Variants in WASHC2A observed in about 807,000 individuals in gnomAD.
The protein encoded by WASHC2A is WASH complex subunit FAM21A.
WASHC2A carries 82 observed loss-of-function variants against 140.3 expected under a neutral mutation model. The ratio of observed to expected loss-of-function variants is 0.58; its 90% confidence interval spans 0.49 to 0.70. The LOEUF (loss-of-function observed/expected upper bound fraction) is 0.70. Ranked by LOEUF, WASHC2A falls within the 30% of genes least tolerant of loss-of-function variation. The probability of loss-of-function intolerance (pLI) is 0.00; values close to 1 mark genes in which losing one functional copy is unlikely to be tolerated. For synonymous variants in WASHC2A, 340 were observed against 560.8 expected (o/e 0.61, Z 5.56); for missense variants, 985 against 1,521.8 (o/e 0.65, Z 5.87).
At chr10:50,072,672 T>C (rs1837970877) in intron 3 of WASHC2A, among the ~76,000 whole-genome samples, 1 of 151,788 alleles carries the variant, frequency 6.6e-6, no homozygotes, top group African/African-American at 2.4e-5. Flanking sequence ...GCATTTTTAG[T>C]AGAGATGGGG....
intron 23 of WASHC2A, among the ~76,000 whole-genome samples, chr10:50,120,886 GA>G (rs1842963521): frequency 7.0e-6 from 1 of 143,020 alleles, no homozygotes; most frequent in Admixed American, 6.9e-5. Context: ...ATAAAATACA[GA>G]ATTAAAAGGC....
At chr10:50,092,882 C>G (rs1482625508) in intron 11 of WASHC2A, among the ~76,000 whole-genome samples, 2 of 152,008 alleles carry the variant, frequency 1.3e-5, no homozygotes, top group South Asian at 2.1e-4. Context: ...TTACATTAGA[C>G]TTGTCCCTGT....
chr10:50,127,485 T>C lies in WASHC2A; in HGVS notation c.2875-98T>C, dbSNP rs1373753913. 1.9e-6 allele frequency: 3 copies of C among 1,611,702 alleles called. No individual in the cohort carries two copies. The African/African-American group carries it at 4.0e-5, about 22-fold the overall frequency. ...CCTACGTTTCTCTACTCCTCTCGTA[T>C]TATACATTATGTGCACCGAATCTTG... is the stretch of plus-strand genomic sequence containing the variant. On this transcript the variant is annotated intron_variant, in intron 27 of 30. Coordinates refer to ENST00000282633, the MANE Select transcript of WASHC2A (RefSeq NM_001005751.3).
At chr10:50,077,362 T>C (rs1838458084) in intron 3 of WASHC2A, among the ~76,000 whole-genome samples, 3 of 152,146 alleles carry the variant, frequency 2.0e-5, no homozygotes, top group Non-Finnish European at 4.4e-5. Context: ...AGCTTATATT[T>C]ATGTTCAGAG....
intron 5 of WASHC2A, 75 bp from the exon 6 acceptor site, chr10:50,083,997 C>T: frequency 5.0e-6 from 7 of 1,386,560 alleles, no homozygotes; most frequent in South Asian, 2.4e-5. Context: ...TCAGATGGAA[C>T]AGGGTATCAG....
chr10:50,127,562 A>C (rs1843545932), intron 27 of WASHC2A, 21 bp from the exon 28 acceptor site: 1 of 1,575,802 alleles, frequency 6.3e-7, no homozygotes, highest in African/African-American at 1.4e-5. Flanking sequence ...ACAAATACAG[A>C]GTTTCATTTT....
chr10:50,074,740 C>T (rs1554877216), intron 3 of WASHC2A, among the ~76,000 whole-genome samples: 2 of 152,048 alleles, frequency 1.3e-5, no homozygotes, highest in Non-Finnish European at 2.9e-5. Flanking sequence ...CGGTGAAGCT[C>T]CGTCTTTACT....
At chr10:50,105,984 T>C (rs1478334011) in intron 18 of WASHC2A, among the ~76,000 whole-genome samples, 2 of 152,212 alleles carry the variant, frequency 1.3e-5, no homozygotes, top group Non-Finnish European at 2.9e-5. Context: ...GGGGCTCCCG[T>C]GCCCATTGCA....
intron 20 of WASHC2A, among the ~76,000 whole-genome samples, chr10:50,112,838 G>A (rs1162536434): frequency 6.7e-6 from 1 of 150,134 alleles, no homozygotes; most frequent in East Asian, 2.0e-4. Context: ...TATATGAAAT[G>A]TATAGATAAA....
intron 13 of WASHC2A, 116 bp downstream of exon 13, chr10:50,094,033 G>A (rs61856724): frequency 0.24 from 360,250 of 1,506,146 alleles, 37,305 homozygotes; most frequent in East Asian, 0.61. Context: ...GCAGGAAGCT[G>A]TTGTTTTTAC....
chr10:50,127,121 T>A, intron 26 of WASHC2A, 39 bp from the exon 27 acceptor site: 2 of 1,611,978 alleles, frequency 1.2e-6, no homozygotes, highest in Non-Finnish European at 1.7e-6. Context: ...GTCTTTCTGT[T>A]TCCCAAATGG....
At chr10:50,075,052 GTA>G (rs1455848505) in intron 3 of WASHC2A, among the ~76,000 whole-genome samples, 120 of 147,450 alleles carry the variant, frequency 8.1e-4, no homozygotes, top group African/African-American at 2.5e-3. Context: ...CTAGATGACG[GTA>G]TGTGTGTGTG....
At chr10:50,077,278 A>T (rs1838447800) in intron 3 of WASHC2A, among the ~76,000 whole-genome samples, 2 of 152,058 alleles carry the variant, frequency 1.3e-5, no homozygotes, top group African/African-American at 4.8e-5. Context: ...TGGGTGACAG[A>T]GCTAGACTCT....
chr10:50,129,767 G>A lies in WASHC2A; in HGVS notation c.3436G>A (p.Glu1146Lys). 1 of 1,612,032 alleles carries A rather than the reference G, an allele frequency of 6.2e-7. No individual in the cohort carries two copies. Among genetic ancestry groups the A allele is most frequent in the South Asian group, 1.1e-5 (1 of 90,986 alleles). The change falls in exon 29 of 31, where the codon GAG (glutamate) becomes AAG (lysine). Residue 1146 changes from glutamate (E) to lysine (K), a missense_variant. By Grantham distance (56) the Glu-to-Lys change is moderately conservative. Transcript: ENST00000282633. ...FSTGTGSQSVERTKPKAKIAE... is the reference protein window; with the variant it reads ...FSTGTGSQSVKRTKPKAKIAE... ...CACGGGCACTGGATCTCAGTCTGTG[G>A]AGAGAACAAAACCCAAGGCAAAGAT...
chr10:50,125,103 C>T lies in WASHC2A; in HGVS notation c.2479-10C>T. ...CTCTAATCACACATGACCTTCCCTCCTGTTCCCAGGGCCGCGATCCTGATG... is the reference window on the plus strand; with the variant it reads ...CTCTAATCACACATGACCTTCCCTCTTGTTCCCAGGGCCGCGATCCTGATG... On this transcript the variant is annotated splice_polypyrimidine_tract_variant and intron_variant, in intron 23 of 30. Coordinates refer to ENST00000282633, the MANE Select transcript of WASHC2A (RefSeq NM_001005751.3). The T allele has an allele frequency of 1.2e-6, 2 of 1,611,848 alleles. No homozygotes were observed. The highest frequency in any genetic ancestry group is 1.1e-5 in the South Asian group (1 of 90,964).
intron 5 of WASHC2A, among the ~76,000 whole-genome samples, chr10:50,082,162 G>T (rs1838958285): frequency 1.3e-5 from 2 of 150,664 alleles, no homozygotes; most frequent in Non-Finnish European, 3.0e-5. Context: ...TTTTCCCCTT[G>T]CAGAGAAAGT....
chr10:50,112,186 A>T (rs1385503096), intron 20 of WASHC2A: 1 of 977,808 alleles, frequency 1.0e-6, no homozygotes, highest in Non-Finnish European at 1.2e-6. Context: ...CACTACCCCC[A>T]CCCCACACAA....
chr10:50,071,644 T>G (rs1246322667), intron 3 of WASHC2A, among the ~76,000 whole-genome samples: 1 of 148,894 alleles, frequency 6.7e-6, no homozygotes, highest in Non-Finnish European at 1.5e-5. Flanking sequence ...TGTACCAGAT[T>G]GGTACTAGAT....
At chr10:50,120,618 CAAAA>C (rs1161708139) in intron 23 of WASHC2A, among the ~76,000 whole-genome samples, 18 of 37,782 alleles carry the variant, frequency 4.8e-4, no homozygotes, top group African/African-American at 1.1e-3. Flanking sequence ...GACTCCATCT[CAAAA>C]AAAAAAAAAA....
Sources: allele counts gnomAD v4.1 joint callset (sites outside exome capture counted in the v4.1 genomes callset), GRCh38; gene constraint gnomAD v4.1.1; transcripts MANE v1.5; gene names NCBI Gene and HGNC (gene_info 2026-07-23, HGNC 2026-07-21).